Variants in PDE1C observed in about 807,000 individuals in gnomAD.
PDE1C encodes dual specificity calcium/calmodulin-dependent 3',5'-cyclic nucleotide phosphodiesterase 1C.
PDE1C carries 62 observed loss-of-function variants against 93.1 expected under a neutral mutation model. The ratio of observed to expected loss-of-function variants is 0.67; its 90% CI spans 0.54 to 0.82. The LOEUF is 0.82. PDE1C is among the 40% of genes least tolerant of loss of function. The probability of loss-of-function intolerance (pLI) is 0.00; values close to 1 mark genes in which losing one functional copy is unlikely to be tolerated. For synonymous variants in PDE1C, 325 were observed against 310.1 expected (o/e 1.05, Z -0.50); for missense variants, 742 against 884.6 (o/e 0.84, Z 2.04).
chr7:31,626,354 T>G, the PDE1C span, among the ~76,000 whole-genome samples: 1 of 152,238 alleles, frequency 6.6e-6, no homozygotes, highest in Non-Finnish European at 1.5e-5. Flanking sequence ...ACCATAATCA[T>G]GCTTTAACTT....
chr7:31,982,057 C>T (rs1332746769), intron 2 of PDE1C, among the ~76,000 whole-genome samples: 1 of 152,210 alleles, frequency 6.6e-6, no homozygotes, highest in African/African-American at 2.4e-5. Context: ...CTGCTATCTG[C>T]ATGATATTCC....
chr7:31,978,248 C>A (rs1811922140), intron 2 of PDE1C, among the ~76,000 whole-genome samples: 3 of 152,100 alleles, frequency 2.0e-5, no homozygotes, highest in Admixed American at 1.3e-4. Flanking sequence ...ACAGATAAAA[C>A]CTTGGCAAAG....
the PDE1C span, chr7:31,707,246 A>G: frequency 1.2e-6 from 2 of 1,614,100 alleles, no homozygotes; most frequent in Non-Finnish European, 1.7e-6. Context: ...GCAATCGTGG[A>G]AGATGACGAA....
At chr7:31,647,710 A>AGAAGACGAT in the PDE1C span, among the ~76,000 whole-genome samples, 1 of 149,668 alleles carries the variant, frequency 6.7e-6, no homozygotes, top group South Asian at 2.1e-4. Flanking sequence ...AGGAAGAAGA[A>AGAAGACGAT]GACGATGACG....
chr7:32,026,640 C>T (rs1438299675), intron 2 of PDE1C, among the ~76,000 whole-genome samples: 3 of 152,102 alleles, frequency 2.0e-5, no homozygotes, highest in African/African-American at 4.8e-5. Flanking sequence ...ACTAAACACA[C>T]TCTTAACATC....
rs116003387 is a variant in PDE1C, at chr7:32,032,272, A to G, written c.128+19282T>C. 8.7e-3 allele frequency among the ~76,000 whole-genome samples: 1,321 copies of G among 152,266 alleles called. 20 individuals are homozygous for G. Among genetic ancestry groups the G allele is most frequent in the African/African-American group, 0.03 (1,255 of 41,558 alleles). On this transcript the variant is annotated intron_variant, in intron 2 of 17. Transcript: ENST00000396191. ...TTTTGGAGGAGGAGGTGGAGACCTC[A>G]TGTTCTAAAGAGGAAAACAAACCTA...
At chr7:32,112,840 G>GTATATATATA (rs1563322964) in intron 3 of PDE1C, among the ~76,000 whole-genome samples, 3 of 53,672 alleles carry the variant, frequency 5.6e-5, no homozygotes, top group African/African-American at 9.4e-5. Flanking sequence ...GTGTGTGTGT[G>GTATATATATA]TGTGTGTATA....
intron 1 of PDE1C, among the ~76,000 whole-genome samples, chr7:32,372,324 A>T (rs1003588406): frequency 6.6e-6 from 1 of 152,058 alleles, no homozygotes; most frequent in African/African-American, 2.4e-5. Flanking sequence ...AAAGTGTTGG[A>T]ATTACAGGCG....
Position 31,938,658 on chromosome 7 carries a change from G to A in PDE1C, c.129-57798C>T, listed in dbSNP as rs571077631. Among the ~76,000 whole-genome samples, 5 of 151,970 alleles carry A rather than the reference G, an allele frequency of 3.3e-5. No homozygotes were observed. In the East Asian group the frequency reaches 9.7e-4, roughly 29 times the overall value. On this transcript the variant is annotated intron_variant, in intron 2 of 17. Coordinates refer to ENST00000396191, the MANE Select transcript of PDE1C (RefSeq NM_001191057.4). ...TCATCTTTATTCATAATAGCTCCTA[G>A]CACATAAAACTATTCAATAATTCAC...
At chr7:32,294,408 C>T (rs1467755816) in intron 1 of PDE1C, among the ~76,000 whole-genome samples, 1 of 152,182 alleles carries the variant, frequency 6.6e-6, no homozygotes, top group Admixed American at 6.5e-5. Context: ...ACTTCACATC[C>T]CTCTGAGTCT....
rs201437474 is a variant in PDE1C, at chr7:31,758,385, A to AT, written c.1961-4833dup. The stretch of plus-strand genomic sequence containing the variant: ...GTACCCATACTCCCAAGTATGCCTC[A>AT]TAAAAGCCTTCAAAAAATATTTATT... On this transcript the variant is annotated intron_variant, in intron 17 of 17. Coordinates refer to ENST00000396191, the MANE Select transcript of PDE1C (RefSeq NM_001191057.4). 7.3e-3 allele frequency among the ~76,000 whole-genome samples: 1,117 copies of AT among 152,324 alleles called. 10 individuals are homozygous for AT. Among genetic ancestry groups the AT allele is most frequent in the Admixed American group, 0.012 (183 of 15,300 alleles).
rs185292107 is a variant in PDE1C, at chr7:32,216,966, C to T, written c.86-7427G>A. ...CCTGCAGGCAATGGGGGCGGTCACCCGCCTGGCCCCTGGTACTAGGCATAA... is the reference window on the plus strand; with the variant it reads ...CCTGCAGGCAATGGGGGCGGTCACCTGCCTGGCCCCTGGTACTAGGCATAA... On this transcript the variant is annotated intron_variant, in intron 1 of 18. Transcript: ENST00000396193. 9.9e-5 allele frequency among the ~76,000 whole-genome samples: 15 copies of T among 152,244 alleles called. No homozygotes were observed. The East Asian group carries it at 2.5e-3, about 26-fold the overall frequency.
intron 1 of PDE1C, among the ~76,000 whole-genome samples, chr7:32,280,400 G>T (rs1354861491): frequency 6.6e-6 from 1 of 151,990 alleles, no homozygotes; most frequent in Non-Finnish European, 1.5e-5. Context: ...TAAACAAATT[G>T]TCTTCATCAG....
intron 2 of PDE1C, among the ~76,000 whole-genome samples, chr7:32,181,121 A>G: frequency 6.6e-6 from 1 of 152,304 alleles, no homozygotes. Context: ...ATATGCACCC[A>G]ATACAGGAGC....
chr7:32,110,776 G>C (rs894832631), intron 3 of PDE1C, among the ~76,000 whole-genome samples: 6 of 152,274 alleles, frequency 3.9e-5, no homozygotes, highest in African/African-American at 1.4e-4. Flanking sequence ...AAAAACTCCA[G>C]AGCAGCTCTG....
intron 3 of PDE1C, among the ~76,000 whole-genome samples, chr7:32,128,276 T>C (rs1471411347): frequency 6.6e-6 from 1 of 151,798 alleles, no homozygotes; most frequent in Non-Finnish European, 1.5e-5. Flanking sequence ...CTATTTACTA[T>C]AAATAGTTAA....
intron 3 of PDE1C, among the ~76,000 whole-genome samples, chr7:32,100,560 G>A (rs562378564): frequency 7.9e-5 from 12 of 152,182 alleles, no homozygotes; most frequent in South Asian, 6.2e-4. Flanking sequence ...TGTAAATGCC[G>A]TTAGAGTCAA....
At chr7:31,670,451 G>A in the PDE1C span, among the ~76,000 whole-genome samples, 3 of 152,218 alleles carry the variant, frequency 2.0e-5, no homozygotes, top group East Asian at 3.9e-4. Context: ...CTGTCTCAGT[G>A]CGATTTTCTT....
At chr7:31,882,735 T>C (rs1364646372) in intron 2 of PDE1C, among the ~76,000 whole-genome samples, 1 of 152,226 alleles carries the variant, frequency 6.6e-6, no homozygotes, top group Middle Eastern at 3.4e-3. Flanking sequence ...GTAGAATCCA[T>C]CTCAATTCTA....
Sources: gnomAD v4.1 joint callset for allele counts (sites outside exome capture counted in the v4.1 genomes callset) on GRCh38, gnomAD v4.1.1 for gene constraint, MANE v1.5 for transcripts, NCBI Gene and HGNC (gene_info 2026-07-23, HGNC 2026-07-21) for gene names.